Variants in C10orf90 observed in about 807,000 individuals in gnomAD.
C10orf90 encodes the protein (E2-independent) E3 ubiquitin-conjugating enzyme FATS.
Under a neutral mutation model 62.5 loss-of-function variants are expected in C10orf90, and 56 were observed. The observed-to-expected ratio is 0.90, with a 90% confidence interval of 0.72 to 1.12. The LOEUF (loss-of-function observed/expected upper bound fraction) is 1.12. Among genes scored for constraint, C10orf90 ranks in the 50% most tolerant of loss-of-function variants. The pLI is 0.00. For missense variants in C10orf90, 970 were observed against 880.4 expected (o/e 1.10, Z -1.29); for synonymous variants, 386 against 340.4 (o/e 1.13, Z -1.47).
chr10:126,469,974 G>A (rs911857713), intron 4 of C10orf90: 14 of 456,586 alleles, frequency 3.1e-5, no homozygotes, highest in Non-Finnish European at 6.2e-5. Context: ...TGCTGCGGAG[G>A]CAGGGAAGGC....
At position 126,607,977 on chromosome 10, in the gene C10orf90, G is replaced by A. The variant is rs138771281; in HGVS notation, c.313+38588C>T. Among the ~76,000 whole-genome samples, 664 of 152,312 alleles carry A rather than the reference G, an allele frequency of 4.4e-3. 3 individuals carry two copies. Among genetic ancestry groups the A allele is most frequent in the Non-Finnish European group, 6.7e-3 (457 of 68,016 alleles). ...GAAAGTCAAATGGTGGTTGCCAGGC[G>A]TCAGGGGAAAGAGGGAATGGGGAAT... On this transcript the variant is annotated intron_variant, in intron 2 of 9. Transcript: ENST00000488181.
intron 2 of C10orf90, chr10:126,524,664 T>C (rs1863880148): frequency 1.0e-6 from 1 of 986,140 alleles, no homozygotes; most frequent in African/African-American, 1.7e-5. Flanking sequence ...AGATCCCACC[T>C]GGCCACTCAG....
intron 2 of C10orf90, among the ~76,000 whole-genome samples, chr10:126,573,490 A>T (rs1019960962): frequency 1.3e-5 from 2 of 152,056 alleles, no homozygotes; most frequent in African/African-American, 4.8e-5. Context: ...CTTTAACTTT[A>T]CAGACTCGCC....
At chr10:126,580,792 GGT>G (rs1184908555) in intron 2 of C10orf90, among the ~76,000 whole-genome samples, 2 of 151,966 alleles carry the variant, frequency 1.3e-5, no homozygotes, top group Admixed American at 6.6e-5. Flanking sequence ...GTCTATGTGT[GGT>G]GTGTGTGTGC....
chr10:126,449,165 A>G (rs1049991632), intron 7 of C10orf90, among the ~76,000 whole-genome samples: 1 of 152,226 alleles, frequency 6.6e-6, no homozygotes, highest in Non-Finnish European at 1.5e-5. Flanking sequence ...AAAATTCAAT[A>G]GCAAATTAAA....
intron 7 of C10orf90, among the ~76,000 whole-genome samples, chr10:126,443,774 G>A (rs1053789131): frequency 2.0e-5 from 3 of 151,872 alleles, no homozygotes; most frequent in South Asian, 2.1e-4. Context: ...AAAATTATTA[G>A]CAAAATACTA....
In C10orf90 at chr10:126,456,105, T is replaced by C. The variant is rs927690322; in HGVS notation, c.2188+2935A>G. Among the ~76,000 whole-genome samples the C allele has an allele frequency of 6.6e-6, 1 of 152,248 alleles. No individual in the cohort carries two copies. Among genetic ancestry groups the C allele is most frequent in the African/African-American group, 2.4e-5 (1 of 41,466 alleles). On this transcript the variant is annotated intron_variant, in intron 7 of 9. Transcript: ENST00000488181. This position sits in a 1 kb window ranked among gnomAD's most constrained non-coding sequence, Gnocchi z 4.9. ...AAAGCTCGTTCACGCATATGATTTA[T>C]GAACTAATTTAGCAAGTAAGAAAAA...
intron 2 of C10orf90, among the ~76,000 whole-genome samples, chr10:126,599,858 T>A (rs935751135): frequency 6.6e-6 from 1 of 152,268 alleles, no homozygotes; most frequent in Non-Finnish European, 1.5e-5. Context: ...AGGAAAGCAC[T>A]GGTGCGTTTT....
chr10:126,578,994 G>A (rs1844684814), intron 2 of C10orf90, among the ~76,000 whole-genome samples: 2 of 152,060 alleles, frequency 1.3e-5, no homozygotes, highest in South Asian at 4.2e-4. Context: ...GTCATTTTGT[G>A]AAAACTCATG....
intron 4 of C10orf90, 108 bp downstream of exon 4, chr10:126,503,849 A>T: frequency 7.5e-7 from 1 of 1,328,650 alleles, no homozygotes; most frequent in Non-Finnish European, 1.0e-6. Flanking sequence ...CTGCAAGTCT[A>T]CTGAGAAATG....
At chr10:126,502,080 CACACCACACAACCACACACACACCACA>C (rs1862430560) in intron 4 of C10orf90, among the ~76,000 whole-genome samples, 1 of 149,412 alleles carries the variant, frequency 6.7e-6, no homozygotes, top group African/African-American at 2.5e-5. Flanking sequence ...ACCACACACA[CACACCACACAACCACACACACACCACA>C]CACACACACA....
chr10:126,633,580 C>T (rs774926613), intron 2 of C10orf90, among the ~76,000 whole-genome samples: 4 of 152,280 alleles, frequency 2.6e-5, no homozygotes, highest in East Asian at 1.9e-4. Context: ...GGCGTGGGGA[C>T]GGGCTGAGCA....
chr10:126,537,197 A>T (rs535127722), intron 2 of C10orf90, among the ~76,000 whole-genome samples: 29 of 152,206 alleles, frequency 1.9e-4, no homozygotes, highest in Non-Finnish European at 3.7e-4. Context: ...GAAGCAACAA[A>T]GGAAATGGCT....
intron 2 of C10orf90, among the ~76,000 whole-genome samples, chr10:126,519,145 T>C (rs1863606038): frequency 6.6e-6 from 1 of 151,942 alleles, no homozygotes; most frequent in Non-Finnish European, 1.5e-5. Context: ...CCTTGTCAGA[T>C]GGGGTTGGGT....
intron 3 of C10orf90, among the ~76,000 whole-genome samples, chr10:126,512,461 A>G (rs750890137): frequency 1.3e-5 from 2 of 152,012 alleles, no homozygotes; most frequent in Non-Finnish European, 2.9e-5. Flanking sequence ...AGCCACAAAC[A>G]TTGACATCAA....
At chr10:126,435,424 G>A (rs1268400011) in intron 7 of C10orf90, among the ~76,000 whole-genome samples, 1 of 152,180 alleles carries the variant, frequency 6.6e-6, no homozygotes, top group Admixed American at 6.5e-5. Flanking sequence ...CTCAGAGTCA[G>A]GTCACCATCT....
At chr10:126,439,053 G>C (rs1858125280) in intron 7 of C10orf90, among the ~76,000 whole-genome samples, 1 of 152,104 alleles carries the variant, frequency 6.6e-6, no homozygotes, top group African/African-American at 2.4e-5. Context: ...CTATCAGCCA[G>C]ACCCAGTTCA....
intron 2 of C10orf90, among the ~76,000 whole-genome samples, chr10:126,540,136 GC>G (rs1864340219): frequency 6.6e-6 from 1 of 152,094 alleles, no homozygotes; most frequent in Non-Finnish European, 1.5e-5. Flanking sequence ...TATAAGACCT[GC>G]AGGAAGACAT....
At chr10:126,442,633 G>GTATATATATATATATATA (rs56368633) in intron 7 of C10orf90, among the ~76,000 whole-genome samples, 1 of 88,478 alleles carries the variant, frequency 1.1e-5, no homozygotes, top group East Asian at 3.9e-4. Flanking sequence ...TTGTGTGTGT[G>GTATATATATATATATATA]TATATATATA....
Sources: allele counts gnomAD v4.1 joint callset (sites outside exome capture counted in the v4.1 genomes callset), GRCh38; gene constraint gnomAD v4.1.1; non-coding constraint Gnocchi (gnomAD v3.1); transcripts MANE v1.5; gene names NCBI Gene and HGNC (gene_info 2026-07-23, HGNC 2026-07-21).